The following TSBP1 variants were observed in gnomAD, a reference collection of about 807,000 sequenced individuals.
TSBP1 encodes testis expressed basic protein 1.
A neutral mutation model predicts 68.8 loss-of-function variants in TSBP1; 56 were observed. The ratio of observed to expected loss-of-function variants is 0.81; its 90% CI spans 0.66 to 1.02. The LOEUF (loss-of-function observed/expected upper bound fraction) is 1.02. Ranked by LOEUF, TSBP1 falls within the 50% of genes least tolerant of loss-of-function variation. TSBP1 has a pLI of 0.00. For synonymous variants in TSBP1, 171 were observed against 208.7 expected, an observed-to-expected ratio of 0.82 and a Z score of 1.56; for missense variants, 502 against 641.2, an observed-to-expected ratio of 0.78 and a Z score of 2.34.
chr6:32,301,709 TA>T (rs5875351), intron 20 of TSBP1, among the ~76,000 whole-genome samples: 74,883 of 144,006 alleles, frequency 0.52, 19,606 homozygotes, highest in East Asian at 0.77. Flanking sequence ...AACGCTGTTT[TA>T]AAAAAAAAAA....
At chr6:32,341,785 T>C (rs1770387118) in intron 9 of TSBP1, among the ~76,000 whole-genome samples, 1 of 152,192 alleles carries the variant, frequency 6.6e-6, no homozygotes, top group Non-Finnish European at 1.5e-5. Flanking sequence ...CATCTGGAAG[T>C]TTTGATACCT....
chr6:32,328,006 G>A (rs1768463236), intron 16 of TSBP1, among the ~76,000 whole-genome samples: 1 of 151,022 alleles, frequency 6.6e-6, no homozygotes, highest in Non-Finnish European at 1.5e-5. Flanking sequence ...GGGTTTCACT[G>A]TGTTAGCCAG....
intron 19 of TSBP1, among the ~76,000 whole-genome samples, chr6:32,308,957 C>CCTTTTT (rs1562075680): frequency 1.6e-5 from 2 of 122,050 alleles, no homozygotes; most frequent in African/African-American, 3.2e-5. Flanking sequence ...TTTCTTCCTG[C>CCTTTTT]TTTTTTTTTT....
In TSBP1 at chr6:32,357,849, C is replaced by A. The variant is rs992459469; in HGVS notation, c.218-2180G>T. ...TTTTAGACATGCTAAGAGTGAGATGCCTTTCATATATCTTCAGGACACGTG... is the reference window on the plus strand; with the variant it reads ...TTTTAGACATGCTAAGAGTGAGATGACTTTCATATATCTTCAGGACACGTG... On this transcript the variant is annotated intron_variant, in intron 6 of 22. Coordinates refer to ENST00000612031, the Ensembl canonical transcript of TSBP1. The surrounding 1 kb of genome is among the most constrained non-coding windows in gnomAD (Gnocchi z 4.7). Among the ~76,000 whole-genome samples the A allele has an allele frequency of 1.3e-5, 2 of 151,678 alleles. No individual in the cohort carries two copies. The highest frequency in any genetic ancestry group is 1.5e-5 in the Non-Finnish European group (1 of 67,962).
intron 18 of TSBP1, among the ~76,000 whole-genome samples, 200 bp from the exon 20 acceptor site, chr6:32,322,706 T>C (rs1453007401): frequency 2.6e-5 from 4 of 152,166 alleles, no homozygotes; most frequent in Non-Finnish European, 5.9e-5. Flanking sequence ...GCAGTGATGA[T>C]GTAATGACGA....
At chr6:32,345,526 G>GT (rs9281745) in intron 9 of TSBP1, among the ~76,000 whole-genome samples, 23,085 of 147,744 alleles carry the variant, frequency 0.16, 2,052 homozygotes, top group African/African-American at 0.2. Flanking sequence ...TACTCTGCCT[G>GT]TTTTTTTTTT....
chr6:32,298,124 CA>C (rs1457673338), intron 22 of TSBP1, among the ~76,000 whole-genome samples: 1 of 151,976 alleles, frequency 6.6e-6, no homozygotes, highest in Non-Finnish European at 1.5e-5. Flanking sequence ...GTCAAGTTGA[CA>C]TACAACATCA....
chr6:32,341,048 G>A (rs569077465), intron 9 of TSBP1, among the ~76,000 whole-genome samples: 42 of 152,184 alleles, frequency 2.8e-4, no homozygotes, highest in Non-Finnish European at 5.3e-4. Flanking sequence ...CCCTCACCTC[G>A]GCCTCCCAAA....
At chr6:32,363,909 C>G (rs1773347557) in intron 6 of TSBP1, among the ~76,000 whole-genome samples, 1 of 152,024 alleles carries the variant, frequency 6.6e-6, no homozygotes, top group Admixed American at 6.6e-5. Context: ...TCTAGCATTT[C>G]TTGTAAGGCA....
At chr6:32,346,906 T>G (rs1052713776) in intron 9 of TSBP1, among the ~76,000 whole-genome samples, 3 of 152,196 alleles carry the variant, frequency 2.0e-5, no homozygotes, top group Non-Finnish European at 4.4e-5. Context: ...ATGGGAGGAA[T>G]ACTTTCAGGA....
chr6:32,299,770 G>T, intron 22 of TSBP1, 152 bp downstream of exon 25: 1 of 660,848 alleles, frequency 1.5e-6, no homozygotes, highest in Non-Finnish European at 2.7e-6. Flanking sequence ...AAAGTGGAGG[G>T]CGGGGGGGAA....
Position 32,366,321 on chromosome 6 carries a change from A to G in TSBP1, c.167-19T>C. 5 of 1,593,500 alleles carry G rather than the reference A, an allele frequency of 3.1e-6. No individual in the cohort carries two copies. The highest frequency in any genetic ancestry group is 1.1e-5 in the South Asian group (1 of 88,354). ...CGGGATCCTAAAAGAGAAGATAAAA[A>G]CATAATGAGATTTTACTTCAACAAG... On this transcript the variant is annotated intron_variant, in intron 4 of 22. Transcript: ENST00000612031.
intron 7 of TSBP1, among the ~76,000 whole-genome samples, chr6:32,355,417 C>T (rs1489289315): frequency 6.6e-6 from 1 of 152,102 alleles, no homozygotes; most frequent in Non-Finnish European, 1.5e-5. Context: ...ATTTTCTTCT[C>T]TCTCTCCCTT....
At chr6:32,368,752 T>C in intron 3 of TSBP1, 30 bp downstream of exon 3, 9 of 1,552,188 alleles carry the variant, frequency 5.8e-6, no homozygotes, top group Non-Finnish European at 7.9e-6. Context: ...AAGTACTATA[T>C]TTATTTTTCT....
intron 22 of TSBP1, among the ~76,000 whole-genome samples, chr6:32,298,834 C>T (rs1310009700): frequency 6.6e-6 from 1 of 152,168 alleles, no homozygotes. Context: ...TATTATTCTA[C>T]TTTGTTTTGT....
chr6:32,301,171 G>A (rs1035064999), intron 20 of TSBP1, among the ~76,000 whole-genome samples: 1 of 152,032 alleles, frequency 6.6e-6, no homozygotes, highest in Non-Finnish European at 1.5e-5. Context: ...TGGGACTACA[G>A]GTGCGTGCTA....
intron 16 of TSBP1, chr6:32,324,658 A>C: frequency 1.3e-6 from 2 of 1,550,824 alleles, no homozygotes; most frequent in Non-Finnish European, 1.7e-6. Context: ...AGACTTACTG[A>C]TTGTGTGAGG....
rs1354885030 is a variant in TSBP1 at position 32,337,677 on chromosome 6, T to C, written c.410-1042A>G. 2.6e-5 allele frequency among the ~76,000 whole-genome samples: 4 copies of C among 151,796 alleles called. No homozygotes were observed. The highest frequency in any genetic ancestry group is 5.9e-5 in the Non-Finnish European group (4 of 67,940). On this transcript the variant is annotated intron_variant, in intron 11 of 22. Transcript: ENST00000612031. This position sits in a 1 kb window ranked among gnomAD's most constrained non-coding sequence, Gnocchi z 5.5. ...TCTTCTTTATGACCACACACACACATACACATACACACACACACACCCCAC... is the reference window on the plus strand; with the variant it reads ...TCTTCTTTATGACCACACACACACACACACATACACACACACACACCCCAC...
At chr6:32,347,314 C>T (rs1486102139) in intron 9 of TSBP1, among the ~76,000 whole-genome samples, 4 of 147,586 alleles carry the variant, frequency 2.7e-5, no homozygotes, top group African/African-American at 9.8e-5. Flanking sequence ...CAGGTGCACA[C>T]CACCATGCCA....
Sources: gnomAD v4.1 joint callset for allele counts (sites outside exome capture counted in the v4.1 genomes callset) on GRCh38, gnomAD v4.1.1 for gene constraint, Gnocchi (gnomAD v3.1) non-coding constraint, MANE v1.5 for transcripts, NCBI Gene and HGNC (gene_info 2026-07-23, HGNC 2026-07-21) for gene names.